The following HSPA4 variants were observed in gnomAD, a reference collection of about 807,000 sequenced individuals.
The protein encoded by HSPA4 is heat shock 70 kDa protein 4.
HSPA4 carries 25 observed loss-of-function variants against 106.2 expected under a neutral mutation model. The observed-to-expected ratio is 0.24, with a 90% CI of 0.17 to 0.33. HSPA4 has a LOEUF of 0.33. HSPA4 is among the 10% of genes least tolerant of loss of function. HSPA4 has a pLI of 1.00. For missense variants in HSPA4, 841 were observed against 996.0 expected, an observed-to-expected ratio of 0.84 and a Z score of 2.10; for synonymous variants, 332 against 333.6, an observed-to-expected ratio of 1.00 and a Z score of 0.05.
intron 6 of HSPA4, among the ~76,000 whole-genome samples, chr5:133,074,566 C>T (rs998844809): frequency 1.3e-5 from 2 of 152,216 alleles, no homozygotes; most frequent in African/African-American, 2.4e-5. Flanking sequence ...GCGTGAGCCA[C>T]GGCGCCCAGC....
rs1215814428 is a variant in HSPA4, at chr5:133,067,443, C to A, written c.192C>A (p.Val64=). The A allele has an allele frequency of 1.9e-6, 3 of 1,613,354 alleles. No homozygotes were observed. In the African/African-American group the frequency reaches 4.0e-5, roughly 22 times the overall value. The change falls in exon 3 of 19, where the codon GTC becomes GTA. Residue 64 remains valine (V), a synonymous_variant. Coordinates refer to ENST00000304858, the MANE Select transcript of HSPA4 (RefSeq NM_002154.4). ...TAATTTCTAATGCAAAGAACACAGT[C>A]CAAGGATTTAAAAGATTCCATGGCC... ...SQVISNAKNT[V]QGFKRFHGRA...
chr5:133,086,717 A>T, intron 7 of HSPA4, 65 bp from the exon 8 acceptor site: 1 of 1,120,442 alleles, frequency 8.9e-7, no homozygotes, highest in Non-Finnish European at 1.4e-6. Flanking sequence ...ATAGCCATCC[A>T]TTCCACATAA....
chr5:133,080,246 T>C (rs909683884), intron 7 of HSPA4, among the ~76,000 whole-genome samples: 29 of 151,772 alleles, frequency 1.9e-4, no homozygotes, highest in African/African-American at 6.8e-4. Flanking sequence ...AAACCTCGTC[T>C]CTACTAAAAA....
intron 7 of HSPA4, among the ~76,000 whole-genome samples, chr5:133,081,140 C>A (rs779051368): frequency 6.6e-6 from 1 of 152,034 alleles, no homozygotes; most frequent in Non-Finnish European, 1.5e-5. Context: ...CTCCACCTCC[C>A]GGGTTTAAAT....
intron 7 of HSPA4, among the ~76,000 whole-genome samples, chr5:133,081,880 A>G (rs777210783): frequency 7.2e-5 from 11 of 152,188 alleles, no homozygotes; most frequent in Non-Finnish European, 1.6e-4. Flanking sequence ...AAACCAAAAA[A>G]ATCTGCATCA....
At chr5:133,069,627 A>C (rs1765356261) in intron 3 of HSPA4, among the ~76,000 whole-genome samples, 1 of 152,204 alleles carries the variant, frequency 6.6e-6, no homozygotes, top group Admixed American at 6.5e-5. Flanking sequence ...GGCAGTGAAC[A>C]ATCAGACAAA....
chr5:133,059,089 C>A (rs943406216), intron 1 of HSPA4, among the ~76,000 whole-genome samples: 2 of 145,334 alleles, frequency 1.4e-5, no homozygotes, highest in Non-Finnish European at 3.0e-5. Flanking sequence ...GATGGTGCCA[C>A]TGCACTCCAG....
intron 1 of HSPA4, among the ~76,000 whole-genome samples, chr5:133,057,577 G>T (rs1459036993): frequency 6.6e-6 from 1 of 152,294 alleles, no homozygotes; most frequent in African/African-American, 2.4e-5. Flanking sequence ...TATGCCAATT[G>T]CAGCTGTTCA....
At chr5:133,077,575 G>C (rs964497245) in intron 7 of HSPA4, among the ~76,000 whole-genome samples, 1 of 152,148 alleles carries the variant, frequency 6.6e-6, no homozygotes, top group Non-Finnish European at 1.5e-5. Context: ...GTTCACTTGA[G>C]GGTGACAGCT....
In HSPA4 at chr5:133,053,290, A is replaced by G. The variant is rs867702040; in HGVS notation, c.107+933A>G. 9.3e-5 allele frequency among the ~76,000 whole-genome samples: 14 copies of G among 150,522 alleles called. 1 individual carries two copies. In the South Asian group the frequency reaches 1.9e-3, roughly 20 times the overall value. ...GTCGTGTTCTTAGACAAAATCTTGT[A>G]AGAAGTTCTGTATTATTTGCCATTC... On this transcript the variant is annotated intron_variant, in intron 1 of 18. Coordinates refer to ENST00000304858, the MANE Select transcript of HSPA4 (RefSeq NM_002154.4).
Position 133,086,787 on chromosome 5 carries a change from A to T in HSPA4, c.914A>T (p.Lys305Ile), listed in dbSNP as rs1161297581. 1 of 1,612,804 alleles carries T rather than the reference A, an allele frequency of 6.2e-7. No individual in the cohort carries two copies. Among genetic ancestry groups the T allele is most frequent in the Non-Finnish European group, 8.5e-7 (1 of 1,179,108 alleles). ...TTTTGTTTTGTTTTTTATAGAGGCA[A>T]ATTTCTGGAGATGTGCAATGATCTC... ...VDVSGTMNRG[K>I]FLEMCNDLLA... The change falls in exon 8 of 19, where the codon AAA (lysine) becomes ATA (isoleucine). Residue 305 changes from lysine to isoleucine, a missense_variant. Around this residue, in one of 5 missense-constraint regions of HSPA4, gnomAD observed 347 missense variants for 408.7 expected, o/e 0.85. Coordinates refer to ENST00000304858, the MANE Select transcript of HSPA4 (RefSeq NM_002154.4).
chr5:133,067,245 C>A (rs750918414), intron 2 of HSPA4, among the ~76,000 whole-genome samples, 172 bp from the exon 3 acceptor site: 1 of 152,156 alleles, frequency 6.6e-6, no homozygotes, highest in Non-Finnish European at 1.5e-5. Context: ...ATCCCTCCTC[C>A]CTCACTTCGC....
At chr5:133,091,432 G>A (rs533577360) in intron 12 of HSPA4, 58 bp downstream of exon 12, 39 of 1,359,700 alleles carry the variant, frequency 2.9e-5, no homozygotes, top group South Asian at 2.9e-4. Context: ...TCTAGAAATT[G>A]TAGCAAGCAG....
In HSPA4 at chr5:133,070,464, C is replaced by T. The variant is rs1765367350; in HGVS notation, c.397C>T (p.Leu133Phe). Residue 133 changes from leucine (L) to phenylalanine (F), a missense_variant, in exon 4 of 19, where the codon CTT becomes TTT. Transcript: ENST00000304858. ...SKLKETAESV[L>F]KKPVVDCVVS... Reference sequence around the variant, plus strand: ...ACTGAAGGAGACAGCCGAAAGTGTTCTTAAGAAGCCTGTAGTTGACTGTGT... The same window carrying T: ...ACTGAAGGAGACAGCCGAAAGTGTTTTTAAGAAGCCTGTAGTTGACTGTGT... The T allele has an allele frequency of 6.2e-7, 1 of 1,613,750 alleles. No homozygotes were observed. The highest frequency in any genetic ancestry group is 8.5e-7 in the Non-Finnish European group (1 of 1,179,856).
rs1212316211 is a variant in HSPA4 at position 133,076,897 on chromosome 5, A to G, written c.907A>G (p.Arg303Gly). The change falls in exon 7 of 19, where the codon AGA (arginine) becomes GGA (glycine). Residue 303 changes from arginine to glycine, a missense_variant and splice_region_variant. By Grantham distance (125) the Arg-to-Gly change is moderately radical. Transcript: ENST00000304858. ...TGTTGATGTATCTGGAACTATGAAT[A>G]GGTAAGTATATTACTATTTCGATGT... ...NDVDVSGTMNRGKFLEMCNDL... is the reference protein window; with the variant it reads ...NDVDVSGTMNGGKFLEMCNDL... 6.2e-7 allele frequency: 1 copy of G among 1,605,830 alleles called. No individual in the cohort carries two copies. The highest frequency in any genetic ancestry group is 8.5e-7 in the Non-Finnish European group (1 of 1,172,956).
chr5:133,102,146 C>T (rs961304671), intron 17 of HSPA4, among the ~76,000 whole-genome samples: 25 of 152,146 alleles, frequency 1.6e-4, no homozygotes, highest in South Asian at 1.2e-3. Context: ...AGGCTGGTCT[C>T]GAACTCCTGA....
At chr5:133,067,966 C>T (rs1258388859) in intron 3 of HSPA4, among the ~76,000 whole-genome samples, 1 of 150,166 alleles carries the variant, frequency 6.7e-6, no homozygotes, top group Non-Finnish European at 1.5e-5. Flanking sequence ...GATCTTGGCT[C>T]ACTGCCACCT....
At chr5:133,086,298 G>T (rs6884202) in intron 7 of HSPA4, among the ~76,000 whole-genome samples, 1 of 152,082 alleles carries the variant, frequency 6.6e-6, no homozygotes, top group African/African-American at 2.4e-5. Context: ...ATTGGTAGCC[G>T]CTCGTCTCCT....
intron 17 of HSPA4, 40 bp downstream of exon 17, chr5:133,101,918 T>C: frequency 8.2e-7 from 1 of 1,225,028 alleles, no homozygotes; most frequent in Non-Finnish European, 1.1e-6. Context: ...TTAGTAAAGT[T>C]AACTTTTTTT....
Sources: gnomAD v4.1 joint callset for allele counts (sites outside exome capture counted in the v4.1 genomes callset) on GRCh38, gnomAD v4.1.1 for gene constraint, gnomAD v4.1.1 regional missense constraint, MANE v1.5 for transcripts, NCBI Gene and HGNC (gene_info 2026-07-23, HGNC 2026-07-21) for gene names.